Variants in FAM200A observed in about 807,000 individuals in gnomAD.
The protein encoded by FAM200A is ZBED8 like.
A neutral mutation model predicts 44.2 loss-of-function variants in FAM200A; 26 were observed. The ratio of observed to expected loss-of-function variants is 0.59; its 90% confidence interval spans 0.43 to 0.82. The LOEUF is 0.82. FAM200A is among the 40% of genes least tolerant of loss of function. The pLI is 0.00. For missense variants in FAM200A, 606 were observed against 669.5 expected (o/e 0.91, Z 1.05); for synonymous variants, 206 against 244.4 (o/e 0.84, Z 1.47).
upstream of FAM200A, among the ~76,000 whole-genome samples, chr7:99,553,103 T>C (rs1224082163): frequency 2.6e-5 from 2 of 76,864 alleles, no homozygotes; most frequent in African/African-American, 7.6e-5. Context: ...ATATATATTT[T>C]TTTTTTTTTT....
At position 99,546,670 on chromosome 7, in the gene FAM200A, T is replaced by C. The variant is rs1340359767; in HGVS notation, c.*16A>G. On this transcript the variant is annotated 3_prime_UTR_variant, in exon 2 of 2. Coordinates refer to ENST00000449309, the MANE Select transcript of FAM200A (RefSeq NM_145111.4). ...CACCACACCTGGCTATACACAGAAT[T>C]TTGTAAAGTTTGTATTTAATGTGAT... is the stretch of plus-strand genomic sequence containing the variant. 6.7e-7 allele frequency: 1 copy of C among 1,488,280 alleles called. No individual in the cohort carries two copies. The highest frequency in any genetic ancestry group is 8.9e-7 in the Non-Finnish European group (1 of 1,120,628). The allele number at this position is 1,488,280 out of a possible 1,614,324, so 92.2% of individuals were successfully genotyped here. A position where few individuals can be genotyped will look rare whatever the true frequency, so the allele number is the denominator to read the frequency against.
Position 99,558,053 on chromosome 7 carries a change from A to C in FAM200A, c.-100+247T>G, listed in dbSNP as rs1292495484. ...ATTTTAGTCTTCCCACCAGGGACGC[A>C]ACTGTCAGTTTCCTCCGTCTCTCTC... On this transcript the variant is annotated intron_variant, in intron 1 of 1. Coordinates refer to the FAM200A transcript ENST00000408938. Among the ~76,000 whole-genome samples, 3 of 152,184 alleles carry C rather than the reference A, an allele frequency of 2.0e-5. No homozygotes were observed. The East Asian group carries it at 5.8e-4, about 29-fold the overall frequency.
rs772860348 is a variant in FAM200A, at chr7:99,546,786, C to A, written c.1622G>T (p.Arg541Ile). 1.3e-6 allele frequency: 2 copies of A among 1,551,600 alleles called. No individual in the cohort carries two copies. Among genetic ancestry groups the A allele is most frequent in the East Asian group, 2.4e-5 (1 of 40,918 alleles). ...ATCTGGTGCACTATTGAGCCTATTT[C>A]TCTTCTTTGTTTTTAACCGTGTCAA... The part of the protein sequence containing the change: ...SILTRLKTKK[R>I]NRLNSAPDMR... Residue 541 changes from arginine to isoleucine, a missense_variant, in exon 2 of 2, where the codon AGA (arginine) becomes ATA (isoleucine). Coordinates refer to ENST00000449309, the MANE Select transcript of FAM200A (RefSeq NM_145111.4).
At chr7:99,554,157 T>C (rs939336446), upstream of FAM200A, among the ~76,000 whole-genome samples, 2 of 152,140 alleles carry the variant, frequency 1.3e-5, no homozygotes, top group African/African-American at 4.8e-5. Context: ...CACTCCACCA[T>C]GGTGAGAGTT....
chr7:99,549,903 G>A (rs1802489197), intron 1 of FAM200A, among the ~76,000 whole-genome samples: 1 of 152,012 alleles, frequency 6.6e-6, no homozygotes, highest in Admixed American at 6.6e-5. Context: ...CTGTCATGGG[G>A]TGGGGGAAGT....
intron 1 of FAM200A, among the ~76,000 whole-genome samples, chr7:99,550,118 C>CA (rs1554394281): frequency 6.7e-6 from 1 of 148,298 alleles, no homozygotes. Context: ...GAACCCCCCC[C>CA]TTTTTTTTTT....
upstream of FAM200A, chr7:99,552,153 C>T (rs575998841): frequency 1.3e-5 from 13 of 985,500 alleles, no homozygotes; most frequent in South Asian, 4.7e-4. Flanking sequence ...TCCGGAGCTG[C>T]GCTCCGCTTC....
At position 99,546,568 on chromosome 7, in the gene FAM200A, C is replaced by A; in HGVS notation, c.*118G>T. ...ATTTTTAGTAGAGATGGGGTTTCAC[C>A]ATGTTGGCCAGGCTGGTCTTGAACT... On this transcript the variant is annotated 3_prime_UTR_variant, in exon 2 of 2. Coordinates refer to ENST00000449309, the MANE Select transcript of FAM200A (RefSeq NM_145111.4). 9.1e-7 allele frequency: 1 copy of A among 1,102,622 alleles called. No individual in the cohort carries two copies. Among genetic ancestry groups the A allele is most frequent in the Non-Finnish European group, 1.2e-6 (1 of 831,554 alleles). 68.3% of individuals were successfully genotyped at this position (1,102,622 alleles called of 1,614,324 possible).
Position 99,548,425 on chromosome 7 carries a change from C to A in FAM200A, c.-18G>T. On this transcript the variant is annotated 5_prime_UTR_variant, in exon 2 of 2. Transcript: ENST00000449309. ...GGAGTCATTATTCAGGTTCCAGGAA[C>A]TGGCTCACTTGATCCAAATAGGGTC... The A allele has an allele frequency of 6.2e-7, 1 of 1,606,142 alleles. No individual in the cohort carries two copies. The highest frequency in any genetic ancestry group is 2.2e-5 in the East Asian group (1 of 44,850).
rs772362910 is a variant in FAM200A at position 99,548,067 on chromosome 7, G to A, written c.341C>T (p.Thr114Ile). The A allele has an allele frequency of 1.9e-5, 29 of 1,551,590 alleles. No homozygotes were observed. In the South Asian group the frequency reaches 3.5e-4, roughly 18 times the overall value. ...AATCGTACAGATTCGACGAGATATT[G>A]TATTATCACTAAGAGGTATAGTTCT... Reference protein sequence around the residue: ...KLRTIPLSDNTISRRICTIAK... With the variant: ...KLRTIPLSDNIISRRICTIAK... The change falls in exon 2 of 2, where the codon ACA (threonine) becomes ATA (isoleucine). Residue 114 changes from threonine (T) to isoleucine (I), a missense_variant. Physicochemically the swap from Thr to Ile is moderately conservative, Grantham distance 89 (BLOSUM62 -1). Coordinates refer to ENST00000449309, the MANE Select transcript of FAM200A (RefSeq NM_145111.4).
chr7:99,556,269 G>C (rs1404521338), upstream of FAM200A, among the ~76,000 whole-genome samples: 1 of 152,100 alleles, frequency 6.6e-6, no homozygotes, highest in African/African-American at 2.4e-5. Flanking sequence ...CATGATGGTT[G>C]GGTAAAGTTC....
At chr7:99,549,683 A>T (rs1802485185) in intron 1 of FAM200A, among the ~76,000 whole-genome samples, 2 of 152,234 alleles carry the variant, frequency 1.3e-5, no homozygotes, top group South Asian at 4.1e-4. Context: ...GATTAAGAAA[A>T]TGTGGCACAT....
rs1203179955 is a variant in FAM200A, at chr7:99,546,630, A to C, written c.*56T>G. 9 of 1,446,156 alleles carry C rather than the reference A, an allele frequency of 6.2e-6. No individual in the cohort carries two copies. Among genetic ancestry groups the C allele is most frequent in the Non-Finnish European group, 7.3e-6 (8 of 1,102,180 alleles). The allele number at this position is 1,446,156 out of a possible 1,614,324, so 89.6% of individuals were successfully genotyped here. ...CCCACCTCGGTCTCCCACTGCTGGGATTACAGGCGTAAGCCACCACACCTG... is the reference window on the plus strand; with the variant it reads ...CCCACCTCGGTCTCCCACTGCTGGGCTTACAGGCGTAAGCCACCACACCTG... On this transcript the variant is annotated 3_prime_UTR_variant, in exon 2 of 2. Coordinates refer to ENST00000449309, the MANE Select transcript of FAM200A (RefSeq NM_145111.4).
upstream of FAM200A, among the ~76,000 whole-genome samples, chr7:99,556,342 C>T (rs1279886141): frequency 6.6e-6 from 1 of 152,114 alleles, no homozygotes; most frequent in Admixed American, 6.5e-5. Context: ...GTATGAGCCA[C>T]GACTTTGACT....
intron 1 of FAM200A, among the ~76,000 whole-genome samples, chr7:99,549,963 G>C (rs1207267495): frequency 6.6e-6 from 1 of 151,896 alleles, no homozygotes; most frequent in Non-Finnish European, 1.5e-5. Context: ...ATGAGTTAAC[G>C]GGTGCAGCAC....
At chr7:99,551,459 A>G (rs145108762) in intron 1 of FAM200A, among the ~76,000 whole-genome samples, 23 of 152,248 alleles carry the variant, frequency 1.5e-4, no homozygotes, top group South Asian at 6.2e-4. Flanking sequence ...AGGCTTCCCA[A>G]AGTGCTGGGA....
At position 99,546,715 on chromosome 7, in the gene FAM200A, T is replaced by A. The variant is rs1017324942; in HGVS notation, c.1693A>T (p.Met565Leu). 3.2e-6 allele frequency: 5 copies of A among 1,538,730 alleles called. No individual in the cohort carries two copies. Among genetic ancestry groups the A allele is most frequent in the Non-Finnish European group, 4.4e-6 (5 of 1,142,736 alleles). ...SSCVPDWKEL[M>L]NRQAHPSH ...TGTGATGGGTGTGCTTGTCTGTTCA[T>A]AAGTTCCTTCCAGTCAGGAACACAT... The change falls in exon 2 of 2, where the codon ATG becomes TTG. Residue 565 changes from methionine to leucine, a missense_variant. Coordinates refer to ENST00000449309, the MANE Select transcript of FAM200A (RefSeq NM_145111.4).
chr7:99,548,469 T>C lies in FAM200A; in HGVS notation c.-62A>G. The C allele has an allele frequency of 1.3e-6, 2 of 1,553,358 alleles. No homozygotes were observed. The highest frequency in any genetic ancestry group is 4.0e-5 in the Admixed American group (2 of 50,104). ...TAGGGTCTGTTTTGCAGGGCTGTCC[T>C]TTGTGACCTAGGTTTTATGAGATCA... On this transcript the variant is annotated 5_prime_UTR_variant, in exon 2 of 2. Transcript: ENST00000449309.
rs138528158 is a variant in FAM200A at position 99,552,067 on chromosome 7, G to C, written c.-313C>G. ...GTGACTTTGGGGACCAGGAGCACTA[G>C]ACTCACATCCAAGCCCCCTGGCCTT... On this transcript the variant is annotated 5_prime_UTR_variant, in exon 1 of 2. Coordinates refer to ENST00000449309, the MANE Select transcript of FAM200A (RefSeq NM_145111.4). 155 of 985,562 alleles carry C rather than the reference G, an allele frequency of 1.6e-4. No individual in the cohort carries two copies. The Middle Eastern group carries it at 2.1e-3, about 13-fold the overall frequency. 61.1% of individuals were successfully genotyped at this position (985,562 alleles called of 1,614,324 possible).
Sources: allele counts gnomAD v4.1 joint callset (sites outside exome capture counted in the v4.1 genomes callset), GRCh38; gene constraint gnomAD v4.1.1; transcripts MANE v1.5; gene names NCBI Gene and HGNC (gene_info 2026-07-23, HGNC 2026-07-21).